The following SPATA33 variants were observed in gnomAD, a reference collection of about 807,000 sequenced individuals.
The protein encoded by SPATA33 is spermatogenesis associated 33.
SPATA33 carries 10 observed loss-of-function variants against 8.9 expected under a neutral mutation model. That is an observed-to-expected ratio of 1.12 (90% CI 0.69 to 1.90). The LOEUF (loss-of-function observed/expected upper bound fraction) is 1.90. Among genes scored for constraint, SPATA33 ranks in the 40% most tolerant of loss-of-function variants. The pLI is 0.00. For missense variants in SPATA33, 241 were observed against 178.3 expected (o/e 1.35, Z -2.00); for synonymous variants, 96 against 72.8 (o/e 1.32, Z -1.63).
rs183472021 is a variant in SPATA33, at chr16:89,666,035, T to C, written c.212-3251T>C. On this transcript the variant is annotated intron_variant, in intron 2 of 2. Transcript: ENST00000579310. ...GGTAGAGGTTGTAGTGAGCCAAAAT[T>C]GTGCCACTGCACTCCAGCCTGGGCG... is the stretch of plus-strand genomic sequence containing the variant. Among the ~76,000 whole-genome samples the C allele has an allele frequency of 2.2e-3, 333 of 152,172 alleles. 6 individuals are homozygous for C. Among genetic ancestry groups the C allele is most frequent in the East Asian group, 5.8e-3 (30 of 5,174 alleles).
intron 2 of SPATA33, chr16:89,660,562 G>A (rs928490139): frequency 6.7e-5 from 82 of 1,231,458 alleles, no homozygotes; most frequent in Middle Eastern, 6.2e-4. Flanking sequence ...CGACAGTGAG[G>A]AGCAGGCTGC....
intron 2 of SPATA33, among the ~76,000 whole-genome samples, chr16:89,666,557 G>A (rs138854656): frequency 2.8e-4 from 42 of 152,092 alleles, no homozygotes; most frequent in Non-Finnish European, 3.7e-4. Context: ...CCACAGGGTC[G>A]GTGGGTTTTC....
At chr16:89,662,417 C>G (rs570143856) in intron 2 of SPATA33, among the ~76,000 whole-genome samples, 1 of 151,310 alleles carries the variant, frequency 6.6e-6, no homozygotes, top group Non-Finnish European at 1.5e-5. Flanking sequence ...TGTGTTTGAA[C>G]ACTTTTTTTT....
At chr16:89,664,978 C>T (rs1386491174) in intron 2 of SPATA33, among the ~76,000 whole-genome samples, 1 of 152,164 alleles carries the variant, frequency 6.6e-6, no homozygotes, top group Non-Finnish European at 1.5e-5. Context: ...CAATATGTAC[C>T]AAGAACCTTG....
intron 2 of SPATA33, among the ~76,000 whole-genome samples, chr16:89,661,994 C>T (rs2059971490): frequency 6.6e-6 from 1 of 152,034 alleles, no homozygotes. Flanking sequence ...TCTGAAATTC[C>T]TTAAAGATAC....
chr16:89,667,191 G>C (rs529913589), intron 2 of SPATA33, among the ~76,000 whole-genome samples: 1 of 152,192 alleles, frequency 6.6e-6, no homozygotes, highest in African/African-American at 2.4e-5. Context: ...CGTCCTACCA[G>C]ACGCTGGCGT....
intron 1 of SPATA33, 110 bp downstream of exon 1, chr16:89,658,058 G>A (rs747875399): frequency 3.4e-6 from 5 of 1,458,178 alleles, no homozygotes; most frequent in African/African-American, 1.4e-5. Context: ...GGCTCGGCCC[G>A]GTGCGAACCG....
intron 2 of SPATA33, among the ~76,000 whole-genome samples, chr16:89,663,241 C>CT (rs35836835): frequency 0.089 from 12,314 of 138,156 alleles, 818 homozygotes; most frequent in East Asian, 0.28. Flanking sequence ...GATTCCATTT[C>CT]TTTTTTTTTT....
rs548363782 is a variant in SPATA33 at position 89,660,839 on chromosome 16, GC to G, written c.211+2421del. ...GCAGTTTAGTAGTCCTGGTCCCTAA[GC>G]CCTTCCAGCCCAGGAGCCAGACCTG... On this transcript the variant is annotated intron_variant, in intron 2 of 2. Transcript: ENST00000579310. 224 of 1,153,680 alleles carry G rather than the reference GC, an allele frequency of 1.9e-4. No individual in the cohort carries two copies. In the African/African-American group the frequency reaches 3.3e-3, roughly 17 times the overall value. 71.5% of individuals were successfully genotyped at this position (1,153,680 alleles called of 1,614,324 possible). A position where few individuals can be genotyped will look rare whatever the true frequency, so the allele number is the denominator to read the frequency against.
At chr16:89,659,859 A>G (rs536729438) in intron 2 of SPATA33, 1 of 152,392 alleles carries the variant, frequency 6.6e-6, no homozygotes, top group African/African-American at 2.4e-5. Flanking sequence ...TGGAAGAAAG[A>G]CTTGGATTTG....
intron 2 of SPATA33, among the ~76,000 whole-genome samples, chr16:89,665,710 T>C (rs2060017775): frequency 6.6e-6 from 1 of 152,232 alleles, no homozygotes; most frequent in South Asian, 2.1e-4. Flanking sequence ...TTAACTTCTG[T>C]AAAATCAGTC....
In SPATA33 at chr16:89,658,842, G is replaced by A. The variant is rs3803691; in HGVS notation, c.211+421G>A. 246 of 189,528 alleles carry A rather than the reference G, an allele frequency of 1.3e-3. 3 individuals carry two copies. The East Asian group carries it at 0.027, about 20-fold the overall frequency. The allele number at this position is 189,528 out of a possible 1,614,324, so 11.7% of individuals were successfully genotyped here. ...GATAAGTACATTGCGGAGGGTGACC[G>A]AGGAGTAGAACCTGGGTGCGACAAA... On this transcript the variant is annotated intron_variant, in intron 2 of 2. Coordinates refer to ENST00000579310, the MANE Select transcript of SPATA33 (RefSeq NM_001271907.2).
At chr16:89,666,075 C>G (rs1317483686) in intron 2 of SPATA33, among the ~76,000 whole-genome samples, 2 of 151,866 alleles carry the variant, frequency 1.3e-5, no homozygotes, top group Non-Finnish European at 2.9e-5. Flanking sequence ...GAGTGAGAAT[C>G]CATCTCAAAA....
intron 2 of SPATA33, chr16:89,660,433 C>T: frequency 8.1e-7 from 1 of 1,228,898 alleles, no homozygotes; most frequent in Non-Finnish European, 1.0e-6. Flanking sequence ...CAGTGTCTGT[C>T]ACACCAGAGG....
intron 2 of SPATA33, chr16:89,660,532 C>A: frequency 8.1e-6 from 10 of 1,231,876 alleles, no homozygotes; most frequent in Non-Finnish European, 1.0e-5. Flanking sequence ...TGCACGCTCT[C>A]CATGCAGTGA....
chr16:89,659,720 C>T (rs2059939714), intron 2 of SPATA33: 1 of 152,226 alleles, frequency 6.6e-6, no homozygotes, highest in African/African-American at 2.4e-5. Context: ...GAGAACCACT[C>T]GGGTCAGACA....
chr16:89,663,185 C>A (rs2059985397), intron 2 of SPATA33, among the ~76,000 whole-genome samples: 1 of 151,366 alleles, frequency 6.6e-6, no homozygotes, highest in Non-Finnish European at 1.5e-5. Flanking sequence ...TTAAAAAATA[C>A]CATGCTGAGT....
intron 2 of SPATA33, chr16:89,661,065 A>G (rs2059959904): frequency 1.0e-6 from 1 of 986,854 alleles, no homozygotes; most frequent in Non-Finnish European, 1.2e-6. Flanking sequence ...TCCTGAACCC[A>G]TAAAATCCAG....
At chr16:89,663,481 G>C (rs925763882) in intron 2 of SPATA33, among the ~76,000 whole-genome samples, 2 of 152,060 alleles carry the variant, frequency 1.3e-5, no homozygotes, top group African/African-American at 4.8e-5. Context: ...CCGATCTCAG[G>C]TGATCCGCTT....
Sources: gnomAD v4.1 joint callset for allele counts (sites outside exome capture counted in the v4.1 genomes callset) on GRCh38, gnomAD v4.1.1 for gene constraint, MANE v1.5 for transcripts, NCBI Gene and HGNC (gene_info 2026-07-23, HGNC 2026-07-21) for gene names.